Variants in CCDC73 observed in about 807,000 individuals in gnomAD.
CCDC73 encodes coiled-coil domain containing 73.
Under a neutral mutation model 116.5 loss-of-function variants are expected in CCDC73, and 95 were observed. The observed-to-expected ratio is 0.82, with a 90% CI of 0.69 to 0.97. The LOEUF (loss-of-function observed/expected upper bound fraction) is 0.97, where lower values mean the gene tolerates loss of function less well. Among genes scored for constraint, CCDC73 ranks in the 50% least tolerant of loss-of-function variants. CCDC73 has a pLI of 0.00. For missense variants in CCDC73, 1,066 were observed against 1,206.8 expected (o/e 0.88, Z 1.73); for synonymous variants, 398 against 401.3 (o/e 0.99, Z 0.10).
chr11:32,747,185 C>A (rs1850246899), intron 2 of CCDC73, among the ~76,000 whole-genome samples: 1 of 152,116 alleles, frequency 6.6e-6, no homozygotes, highest in African/African-American at 2.4e-5. Flanking sequence ...AGACTGTCTC[C>A]TCAGCTGCAG....
At chr11:32,753,852 T>C (rs530541192) in intron 2 of CCDC73, among the ~76,000 whole-genome samples, 1 of 152,142 alleles carries the variant, frequency 6.6e-6, no homozygotes, top group Non-Finnish European at 1.5e-5. Context: ...CTTCAAGTGA[T>C]CCTCCCACCT....
At chr11:32,744,366 T>A (rs918383168) in intron 2 of CCDC73, among the ~76,000 whole-genome samples, 91 of 152,328 alleles carry the variant, frequency 6.0e-4, no homozygotes, top group Admixed American at 2.3e-3. Context: ...GGCCTAAAAT[T>A]CTCTCTTTTT....
At chr11:32,623,952 G>C (rs555424117) in intron 14 of CCDC73, among the ~76,000 whole-genome samples, 2 of 152,138 alleles carry the variant, frequency 1.3e-5, no homozygotes, top group Non-Finnish European at 2.9e-5. Flanking sequence ...TATTAAGAAG[G>C]CTAGAGAAGA....
chr11:32,620,172 T>G (rs1283671431), intron 14 of CCDC73, among the ~76,000 whole-genome samples: 2 of 152,182 alleles, frequency 1.3e-5, no homozygotes, highest in African/African-American at 4.8e-5. Flanking sequence ...AGCTCCATCA[T>G]GTGAAGCCTT....
intron 1 of CCDC73, among the ~76,000 whole-genome samples, chr11:32,777,617 T>C (rs1462929977): frequency 6.6e-6 from 1 of 152,134 alleles, no homozygotes; most frequent in Non-Finnish European, 1.5e-5. Flanking sequence ...AATCTACAAC[T>C]ACATCAGATT....
chr11:32,706,039 C>T lies in CCDC73; in HGVS notation c.208-3095G>A, dbSNP rs1018872411. On this transcript the variant is annotated intron_variant, in intron 3 of 17. Transcript: ENST00000335185. ...AAAAAAAAAAAAAGAATGAAAAAGG[C>T]AAAGTGAGAACATCACAAGAATGAC... Among the ~76,000 whole-genome samples, 3 of 141,312 alleles carry T rather than the reference C, an allele frequency of 2.1e-5. No individual in the cohort carries two copies. In the Admixed American group the frequency reaches 2.1e-4, roughly 10 times the overall value. 92.7% of individuals were successfully genotyped at this position (141,312 alleles called of 152,430 possible).
intron 3 of CCDC73, among the ~76,000 whole-genome samples, chr11:32,707,383 CTTT>C (rs777844975): frequency 1.4e-5 from 2 of 140,256 alleles, no homozygotes; most frequent in African/African-American, 2.6e-5. Flanking sequence ...CTCGAAGTTA[CTTT>C]TTTTTTTTTT....
intron 12 of CCDC73, 137 bp from the exon 13 acceptor site, chr11:32,642,219 T>C (rs1386648515): frequency 1.9e-6 from 2 of 1,031,028 alleles, no homozygotes; most frequent in Non-Finnish European, 2.5e-6. Flanking sequence ...ATCTCAACAA[T>C]AATTTTCATA....
At chr11:32,744,456 T>G (rs1341910006) in intron 2 of CCDC73, among the ~76,000 whole-genome samples, 1 of 152,208 alleles carries the variant, frequency 6.6e-6, no homozygotes, top group African/African-American at 2.4e-5. Flanking sequence ...TCTTTTTCTA[T>G]TGATCGGAAT....
chr11:32,748,160 C>G (rs1407986119), intron 2 of CCDC73, among the ~76,000 whole-genome samples: 3 of 152,028 alleles, frequency 2.0e-5, no homozygotes, highest in African/African-American at 7.2e-5. Context: ...AGGACTATCT[C>G]TCATCATTTT....
At chr11:32,666,024 T>G (rs1855977652) in intron 9 of CCDC73, among the ~76,000 whole-genome samples, 1 of 152,232 alleles carries the variant, frequency 6.6e-6, no homozygotes, top group Non-Finnish European at 1.5e-5. Context: ...TCTGCTGAGA[T>G]ATCTGCTGTT....
chr11:32,614,099 T>A lies in CCDC73; in HGVS notation c.2219A>T (p.Asn740Ile), dbSNP rs1476106226. ...VHSMSMLVKP[N>I]SSPGGKTMCK... ...CATAGTTTTTCCCCCAGGGCTTGAG[T>A]TAGGTTTCACCAACATAGACATACT... is the stretch of plus-strand genomic sequence containing the variant. Residue 740 changes from asparagine to isoleucine, a missense_variant, in exon 16 of 18, where the codon AAC becomes ATC. Coordinates refer to ENST00000335185, the MANE Select transcript of CCDC73 (RefSeq NM_001008391.4). 2 of 1,613,578 alleles carry A rather than the reference T, an allele frequency of 1.2e-6. No homozygotes were observed. The highest frequency in any genetic ancestry group is 1.3e-5 in the African/African-American group (1 of 75,028).
chr11:32,644,040 C>G (rs1855755607), intron 12 of CCDC73, among the ~76,000 whole-genome samples: 1 of 151,888 alleles, frequency 6.6e-6, no homozygotes, highest in Admixed American at 6.6e-5. Context: ...AACTGAGACA[C>G]ATCATCACAG....
intron 6 of CCDC73, among the ~76,000 whole-genome samples, chr11:32,697,481 C>CTTTTTTTTTTTTT (rs771837421): frequency 9.2e-6 from 1 of 108,802 alleles, no homozygotes; most frequent in Non-Finnish European, 1.8e-5. Flanking sequence ...TCTCTTTATT[C>CTTTTTTTTTTTTT]TTTTTTTTTT....
At chr11:32,623,937 CAA>C (rs149107338) in intron 14 of CCDC73, among the ~76,000 whole-genome samples, 2,261 of 152,044 alleles carry the variant, frequency 0.015, 59 homozygotes, top group African/African-American at 0.051. Flanking sequence ...GTACAGCTGA[CAA>C]AGTATTAAGA....
At chr11:32,786,175 A>G (rs1590647450) in intron 1 of CCDC73, among the ~76,000 whole-genome samples, 1 of 151,760 alleles carries the variant, frequency 6.6e-6, no homozygotes, top group Non-Finnish European at 1.5e-5. Context: ...CTGAAACACA[A>G]TTTGAATAAA....
At chr11:32,647,907 C>T (rs142909540) in intron 12 of CCDC73, among the ~76,000 whole-genome samples, 7 of 151,556 alleles carry the variant, frequency 4.6e-5, no homozygotes, top group Non-Finnish European at 8.8e-5. Flanking sequence ...TAATTTCAAA[C>T]TACCATTGGT....
chr11:32,661,848 C>T (rs1181531832), intron 9 of CCDC73, among the ~76,000 whole-genome samples: 1 of 151,232 alleles, frequency 6.6e-6, no homozygotes, highest in African/African-American at 2.4e-5. Flanking sequence ...CCCGACCCCA[C>T]AACAGTCCCC....
chr11:32,701,594 G>A (rs1480686606), intron 4 of CCDC73, among the ~76,000 whole-genome samples: 3 of 151,948 alleles, frequency 2.0e-5, no homozygotes, highest in Admixed American at 6.6e-5. Flanking sequence ...CTTGGGAGGC[G>A]GGAGGATCGT....
Sources: gnomAD v4.1 joint callset for allele counts (sites outside exome capture counted in the v4.1 genomes callset) on GRCh38, gnomAD v4.1.1 for gene constraint, MANE v1.5 for transcripts, NCBI Gene and HGNC (gene_info 2026-07-23, HGNC 2026-07-21) for gene names.